DCC: variants seen among roughly 807,000 people sequenced by gnomAD.
The protein encoded by DCC is netrin receptor DCC.
In DCC, 58 loss-of-function variants were observed where a neutral mutation model predicts 172.5. The ratio of observed to expected loss-of-function variants is 0.34; its 90% CI spans 0.27 to 0.42. DCC has a LOEUF of 0.42. DCC is among the 10% of genes least tolerant of loss of function. DCC has a pLI of 1.00. For missense variants in DCC, 1,740 were observed against 1,791.0 expected, an observed-to-expected ratio of 0.97 and a Z score of 0.51; for synonymous variants, 709 against 644.5, an observed-to-expected ratio of 1.10 and a Z score of -1.52.
chr18:52,656,092 G>A (rs998642672), intron 1 of DCC, among the ~76,000 whole-genome samples: 34 of 135,642 alleles, frequency 2.5e-4, no homozygotes, highest in East Asian at 2.2e-3. Flanking sequence ...GTGTGTGTGT[G>A]TATATATATA....
chr18:52,452,368 T>C (rs1337314123), intron 1 of DCC, among the ~76,000 whole-genome samples: 2 of 152,226 alleles, frequency 1.3e-5, no homozygotes, highest in Non-Finnish European at 2.9e-5. Flanking sequence ...ATTATGTGTC[T>C]TTTTCCCCAA....
At chr18:53,217,322 C>T (rs1394428249) in intron 12 of DCC, among the ~76,000 whole-genome samples, 306 of 67,564 alleles carry the variant, frequency 4.5e-3, no homozygotes, top group African/African-American at 8.8e-3. Context: ...CACACACACA[C>T]ACACACACAC....
At chr18:52,994,801 T>TA (rs1324184425) in intron 5 of DCC, among the ~76,000 whole-genome samples, 1 of 152,204 alleles carries the variant, frequency 6.6e-6, no homozygotes, top group Non-Finnish European at 1.5e-5. Context: ...CATGATGTTT[T>TA]AATGTTTTTG....
intron 12 of DCC, among the ~76,000 whole-genome samples, chr18:53,262,681 A>G (rs548184877): frequency 1.3e-5 from 2 of 152,350 alleles, no homozygotes; most frequent in Admixed American, 6.5e-5. Flanking sequence ...CCTTTTCTGC[A>G]TAGACATTCT....
At chr18:52,694,774 G>A (rs2035986047) in intron 1 of DCC, among the ~76,000 whole-genome samples, 1 of 152,066 alleles carries the variant, frequency 6.6e-6, no homozygotes, top group Non-Finnish European at 1.5e-5. Flanking sequence ...AATGGCATAT[G>A]ACCTTGGGCA....
intron 7 of DCC, among the ~76,000 whole-genome samples, chr18:53,075,598 C>T (rs2042715299): frequency 6.9e-6 from 1 of 145,448 alleles, no homozygotes; most frequent in Non-Finnish European, 1.5e-5. Context: ...GAGAAGAATG[C>T]TGGTTTTTAT....
chr18:52,813,763 G>A (rs920678353), intron 2 of DCC, among the ~76,000 whole-genome samples: 1 of 152,160 alleles, frequency 6.6e-6, no homozygotes, highest in Admixed American at 6.5e-5. Flanking sequence ...AGCCTGAATA[G>A]AACAAAAAGG....
Position 53,344,567 on chromosome 18 carries a change from A to C in DCC, c.2359+4660A>C, listed in dbSNP as rs528639427. On this transcript the variant is annotated intron_variant, in intron 15 of 28. Transcript: ENST00000442544. ...AAGCAATCTCCTGCCTCAGCTTCCC[A>C]AGTAGCTGGGATTACAAGCGTGCGC... Among the ~76,000 whole-genome samples, 1,306 of 144,986 alleles carry C rather than the reference A, an allele frequency of 9.0e-3. 12 individuals carry two copies. The highest frequency in any genetic ancestry group is 0.015 in the Non-Finnish European group (998 of 66,854).
chr18:53,150,194 C>A (rs989311637), intron 7 of DCC, among the ~76,000 whole-genome samples: 2 of 152,160 alleles, frequency 1.3e-5, no homozygotes, highest in African/African-American at 2.4e-5. Flanking sequence ...TCCTTAGAAC[C>A]TTCCTCTGAG....
chr18:53,397,263 G>C (rs1909012330), intron 17 of DCC, 45 bp from the exon 18 acceptor site: 1 of 1,573,334 alleles, frequency 6.4e-7, no homozygotes, highest in African/African-American at 1.4e-5. Context: ...TTACCAAGTT[G>C]ATAGAGTTTA....
intron 6 of DCC, 129 bp downstream of exon 6, chr18:53,063,588 T>C (rs2042526668): frequency 1.4e-6 from 1 of 727,248 alleles, no homozygotes; most frequent in South Asian, 1.8e-5. Context: ...AAAAAAGTTA[T>C]TCAAATAAAG....
At chr18:53,188,184 C>G (rs1189483714) in intron 9 of DCC, among the ~76,000 whole-genome samples, 1 of 152,142 alleles carries the variant, frequency 6.6e-6, no homozygotes, top group East Asian at 1.9e-4. Context: ...TTGAAATGTG[C>G]AACCAATAAA....
chr18:52,814,059 C>G (rs944504527), intron 2 of DCC, among the ~76,000 whole-genome samples: 1 of 152,154 alleles, frequency 6.6e-6, no homozygotes, highest in African/African-American at 2.4e-5. Flanking sequence ...AGAATAAATC[C>G]TATTGGATCT....
chr18:53,334,366 G>T (rs1288723459), intron 14 of DCC, among the ~76,000 whole-genome samples: 1 of 152,144 alleles, frequency 6.6e-6, no homozygotes, highest in Non-Finnish European at 1.5e-5. Context: ...AACCTGGTCT[G>T]TAAGTGACTC....
intron 13 of DCC, among the ~76,000 whole-genome samples, chr18:53,310,070 G>A (rs901833158): frequency 1.3e-5 from 2 of 150,786 alleles, no homozygotes; most frequent in Admixed American, 6.6e-5. Context: ...TTGGAAAATC[G>A]TTCCCTCCTC....
intron 5 of DCC, among the ~76,000 whole-genome samples, chr18:53,006,828 A>C (rs1373047082): frequency 1.3e-5 from 2 of 152,186 alleles, no homozygotes; most frequent in African/African-American, 2.4e-5. Context: ...AGACCTGTCA[A>C]TAAATATGTG....
At chr18:52,363,463 T>C (rs1391140220) in intron 1 of DCC, among the ~76,000 whole-genome samples, 1 of 152,186 alleles carries the variant, frequency 6.6e-6, no homozygotes, top group Non-Finnish European at 1.5e-5. Context: ...AAGATTCACA[T>C]TAGTTGTGTC....
chr18:53,097,927 C>T (rs928182824), intron 7 of DCC, among the ~76,000 whole-genome samples: 25 of 152,166 alleles, frequency 1.6e-4, no homozygotes, highest in African/African-American at 6.0e-4. Context: ...CCTTAAAAGC[C>T]CTGTCTCTAA....
intron 3 of DCC, among the ~76,000 whole-genome samples, chr18:52,919,284 A>C (rs1474355476): frequency 3.3e-5 from 5 of 152,196 alleles, no homozygotes; most frequent in African/African-American, 7.2e-5. Flanking sequence ...TTACAACAAG[A>C]GTAAAAGGCA....
Sources: gnomAD v4.1 joint callset for allele counts (sites outside exome capture counted in the v4.1 genomes callset) on GRCh38, gnomAD v4.1.1 for gene constraint, MANE v1.5 for transcripts, NCBI Gene and HGNC (gene_info 2026-07-23, HGNC 2026-07-21) for gene names.